PYGM: variants seen among roughly 807,000 people sequenced by gnomAD.
PYGM encodes glycogen phosphorylase, muscle form.
Under a neutral mutation model 99.3 loss-of-function variants are expected in PYGM, and 81 were observed. The ratio of observed to expected loss-of-function variants is 0.82; its 90% CI spans 0.68 to 0.98. The LOEUF (loss-of-function observed/expected upper bound fraction) is 0.98, where lower values mean the gene tolerates loss of function less well. Ranked by LOEUF, PYGM falls within the 50% of genes least tolerant of loss-of-function variation. The pLI, the probability that PYGM is intolerant of heterozygous loss-of-function variation, is 0.00. For synonymous variants in PYGM, 436 were observed against 451.5 expected, an observed-to-expected ratio of 0.97 and a Z score of 0.44; for missense variants, 1,030 against 1,158.1, an observed-to-expected ratio of 0.89 and a Z score of 1.61.
chr11:64,751,499 G>C, intron 15 of PYGM, 33 bp from the exon 16 acceptor site: 1 of 1,614,122 alleles, frequency 6.2e-7, no homozygotes, highest in Non-Finnish European at 8.5e-7. Context: ...CAGCTCTACT[G>C]CCTGGCCCCC....
intron 3 of PYGM, 43 bp from the exon 4 acceptor site, chr11:64,758,392 A>G (rs1306235354): frequency 6.2e-6 from 10 of 1,612,958 alleles, no homozygotes; most frequent in Non-Finnish European, 8.5e-6. Context: ...CCCAGCAAGG[A>G]GGACCCCATC....
chr11:64,754,064 C>T lies in PYGM; in HGVS notation c.1093-39G>A, dbSNP rs949854727. 1 of 1,596,130 alleles carries T rather than the reference C, an allele frequency of 6.3e-7. No individual in the cohort carries two copies. Among genetic ancestry groups the T allele is most frequent in the African/African-American group, 1.3e-5 (1 of 74,462 alleles). On this transcript the variant is annotated intron_variant, in intron 9 of 19. Transcript: ENST00000164139. The surrounding 1 kb of genome is among the most constrained non-coding windows in gnomAD (Gnocchi z 5.5). ...TGGGCAGTCAGGATGCTGACCTCAG[C>T]CCAGTGGGTCTCCTCACACACTACG...
At chr11:64,751,803 G>T in intron 14 of PYGM, 121 bp downstream of exon 14, 4 of 1,533,028 alleles carry the variant, frequency 2.6e-6, no homozygotes, top group Non-Finnish European at 3.6e-6. Context: ...TGTGAAATGG[G>T]GATAATTCCA....
rs374812974 is a variant in PYGM at position 64,759,891 on chromosome 11, C to T, written c.8G>A (p.Arg3Gln). The change falls in exon 1 of 20, where the codon CGG (arginine) becomes CAG (glutamine). Residue 3 changes from arginine to glutamine, a missense_variant. Coordinates refer to ENST00000164139, the MANE Select transcript of PYGM (RefSeq NM_005609.4). ...TCTTTTCTCTTGGTCTGACAGGGGC[C>T]GGGACATGGCTGCAGGAGGGCGGGC... is the stretch of plus-strand genomic sequence containing the variant. The part of the protein sequence containing the change: MS[R>Q]PLSDQEKRKQ... 5.6e-5 allele frequency: 91 copies of T among 1,614,014 alleles called. 2 individuals carry two copies. The Middle Eastern group carries it at 4.5e-3, about 79-fold the overall frequency.
chr11:64,754,128 G>A lies in PYGM; in HGVS notation c.1093-103C>T. 6.3e-7 allele frequency: 1 copy of A among 1,596,942 alleles called. No homozygotes were observed. The highest frequency in any genetic ancestry group is 8.6e-7 in the Non-Finnish European group (1 of 1,165,640). On this transcript the variant is annotated intron_variant, in intron 9 of 19. Coordinates refer to ENST00000164139, the MANE Select transcript of PYGM (RefSeq NM_005609.4). This position sits in a 1 kb window ranked among gnomAD's most constrained non-coding sequence, Gnocchi z 5.5. ...CCCCCCACTGCAGTGCCAGGTTCCAGGACGGTCCCTCTGGCCTCAGGCTCT... is the reference window on the plus strand; with the variant it reads ...CCCCCCACTGCAGTGCCAGGTTCCAAGACGGTCCCTCTGGCCTCAGGCTCT...
In PYGM at chr11:64,751,921, C is replaced by T. The variant is rs112528902; in HGVS notation, c.1768+3G>A. The T allele has an allele frequency of 6.2e-7, 1 of 1,614,134 alleles. No homozygotes were observed. The highest frequency in any genetic ancestry group is 8.5e-7 in the Non-Finnish European group (1 of 1,180,028). On this transcript the variant is annotated splice_donor_region_variant and intron_variant, in intron 14 of 19. Coordinates refer to ENST00000164139, the MANE Select transcript of PYGM (RefSeq NM_005609.4). The stretch of plus-strand genomic sequence containing the variant: ...GAGACAGGGTAGAGTGGCTGCCACT[C>T]ACGGTTGTACAGGGTGATGACATGG...
chr11:64,760,023 G>C (rs753705988), upstream of PYGM: 1 of 1,417,192 alleles, frequency 7.1e-7, no homozygotes, highest in Non-Finnish European at 9.5e-7. Flanking sequence ...TGGGCAGCAC[G>C]CCCCGCCTCC....
intron 10 of PYGM, 72 bp downstream of exon 10, chr11:64,753,807 C>A: frequency 6.5e-7 from 1 of 1,546,538 alleles, no homozygotes; most frequent in Non-Finnish European, 8.7e-7. Context: ...CCTGGCTGGA[C>A]GCCCCGACTC....
Position 64,746,939 on chromosome 11 carries a change from T to C in PYGM, c.2361A>G (p.Lys787=), listed in dbSNP as rs2135823301. The change falls in exon 19 of 20, where the codon AAA becomes AAG. Residue 787 remains lysine (K), a synonymous_variant. Transcript: ENST00000164139. ...CCCTCACCTTGTACAAGGCGCTGAC[T>C]TTCTCCTGGCATTTAATGTAGTCTT... is the stretch of plus-strand genomic sequence containing the variant. ...DYEDYIKCQE[K]VSALYKNPRE... is the part of the protein sequence containing the mutation. 1 of 1,614,208 alleles carries C rather than the reference T, an allele frequency of 6.2e-7. No individual in the cohort carries two copies.
chr11:64,752,985 T>C, intron 12 of PYGM, 88 bp downstream of exon 12: 5 of 1,228,272 alleles, frequency 4.1e-6, no homozygotes, highest in Non-Finnish European at 6.0e-6. Flanking sequence ...CTGGGAGCCC[T>C]GATGCAGTGA....
chr11:64,753,060 G>A lies in PYGM; in HGVS notation c.1518+13C>T, dbSNP rs779915904. 85 of 1,581,904 alleles carry A rather than the reference G, an allele frequency of 5.4e-5. No homozygotes were observed. The East Asian group carries it at 1.6e-3, about 30-fold the overall frequency. ...CCCATGTTGACTCTACTGGCCCTACGGTGGCCTCTCACCTCAGCAATGACC... is the reference window on the plus strand; with the variant it reads ...CCCATGTTGACTCTACTGGCCCTACAGTGGCCTCTCACCTCAGCAATGACC... On this transcript the variant is annotated intron_variant, in intron 12 of 19. Coordinates refer to ENST00000164139, the MANE Select transcript of PYGM (RefSeq NM_005609.4).
In PYGM at chr11:64,747,298, C is replaced by T. The variant is rs770352968; in HGVS notation, c.2238G>A (p.Leu746=). Reference sequence around the variant, plus strand: ...GTTTGGGGGAGAAGAAGCCACTGCTCAGCTGCTCAATGACCTGCCGAAGCT... The same window carrying T: ...GTTTGGGGGAGAAGAAGCCACTGCTTAGCTGCTCAATGACCTGCCGAAGCT... ...IPELRQVIEQ[L]SSGFFSPKQP... Residue 746 remains leucine (L), a synonymous_variant, in exon 18 of 20, where the codon CTG becomes CTA. Transcript: ENST00000164139. The T allele has an allele frequency of 6.2e-7, 1 of 1,614,240 alleles. No homozygotes were observed.
At position 64,754,198 on chromosome 11, in the gene PYGM, A is replaced by C; in HGVS notation, c.1092+55T>G. 6.3e-7 allele frequency: 1 copy of C among 1,587,672 alleles called. No homozygotes were observed. Among genetic ancestry groups the C allele is most frequent in the Admixed American group, 1.7e-5 (1 of 59,946 alleles). On this transcript the variant is annotated intron_variant, in intron 9 of 19. Transcript: ENST00000164139. This position sits in a 1 kb window ranked among gnomAD's most constrained non-coding sequence, Gnocchi z 5.5. ...TATCCTCCCACGCTCCCAAACTGGG[A>C]AGGGAACCCCGAGGCAGAGAGCATC...
intron 4 of PYGM, 56 bp downstream of exon 4, chr11:64,758,190 G>C: frequency 6.5e-7 from 1 of 1,533,810 alleles, no homozygotes; most frequent in Non-Finnish European, 9.0e-7. Flanking sequence ...TGATAAACAA[G>C]TGGGGGTCTT....
intron 4 of PYGM, 92 bp downstream of exon 4, chr11:64,758,154 G>T: frequency 6.9e-7 from 1 of 1,459,794 alleles, no homozygotes. Context: ...CAGAGCTTGC[G>T]GGGCTGTTTC....
At chr11:64,758,580 G>T in intron 2 of PYGM, 23 bp downstream of exon 2, 1 of 1,612,718 alleles carries the variant, frequency 6.2e-7, no homozygotes. Flanking sequence ...CAGTCCCCAC[G>T]GCTTGCCCCA....
intron 11 of PYGM, 37 bp downstream of exon 11, chr11:64,753,482 G>T (rs1297827027): frequency 1.3e-6 from 2 of 1,551,958 alleles, no homozygotes; most frequent in East Asian, 2.4e-5. Context: ...AGTGGGTGGG[G>T]CCTAGAGAGG....
rs545432472 is a variant in PYGM at position 64,757,604 on chromosome 11, T to A, written c.660+175A>T. On this transcript the variant is annotated intron_variant, in intron 5 of 19. Coordinates refer to ENST00000164139, the MANE Select transcript of PYGM (RefSeq NM_005609.4). ...CTCTGCACTTAGGCTGGCTCCCCTG[T>A]GTCCCTGTCTCCAGTCTCTCCTGGC... 2.0e-5 allele frequency among the ~76,000 whole-genome samples: 3 copies of A among 152,298 alleles called. No homozygotes were observed. The East Asian group carries it at 5.8e-4, about 29-fold the overall frequency.
At chr11:64,751,278 A>G (rs1170245915) in intron 16 of PYGM, 47 bp downstream of exon 16, 7 of 1,612,482 alleles carry the variant, frequency 4.3e-6, no homozygotes, top group African/African-American at 1.3e-5. Context: ...TCTTCCTGAG[A>G]CTGAACTAGT....
Sources: gnomAD v4.1 joint callset for allele counts (sites outside exome capture counted in the v4.1 genomes callset) on GRCh38, gnomAD v4.1.1 for gene constraint, Gnocchi (gnomAD v3.1) non-coding constraint, MANE v1.5 for transcripts, NCBI Gene and HGNC (gene_info 2026-07-23, HGNC 2026-07-21) for gene names.